Variants in TRAK1 observed in about 807,000 individuals in gnomAD.
TRAK1 encodes the protein trafficking kinesin-binding protein 1.
Under a neutral mutation model 92.1 loss-of-function variants are expected in TRAK1, and 33 were observed. The observed-to-expected ratio is 0.36, with a 90% CI of 0.27 to 0.48. TRAK1 has a LOEUF of 0.48. TRAK1 is among the 20% of genes least tolerant of loss of function. The pLI, the probability that TRAK1 is intolerant of heterozygous loss-of-function variation, is 0.99. For synonymous variants in TRAK1, 521 were observed against 517.3 expected (o/e 1.01, Z -0.10); for missense variants, 1,123 against 1,257.9 (o/e 0.89, Z 1.62).
At chr3:42,096,509 C>T (rs1225697947) in intron 1 of TRAK1, among the ~76,000 whole-genome samples, 1 of 152,234 alleles carries the variant, frequency 6.6e-6, no homozygotes, top group Non-Finnish European at 1.5e-5. Flanking sequence ...CCGCCTCGAC[C>T]TCCCAAAGTG....
chr3:42,199,590 G>T (rs1707234729), intron 11 of TRAK1, among the ~76,000 whole-genome samples: 1 of 152,156 alleles, frequency 6.6e-6, no homozygotes, highest in Admixed American at 6.5e-5. Flanking sequence ...TGAGTAGCTA[G>T]GACTACAGGC....
upstream of TRAK1, among the ~76,000 whole-genome samples, chr3:42,087,909 T>C (rs1434772406): frequency 6.6e-6 from 1 of 152,216 alleles, no homozygotes; most frequent in African/African-American, 2.4e-5. Context: ...TAACTCTCAG[T>C]GTCCCAGGTG....
At chr3:42,092,711 GTGTTA>G (rs71078412) in intron 1 of TRAK1, among the ~76,000 whole-genome samples, 6,106 of 99,634 alleles carry the variant, frequency 0.061, 231 homozygotes, top group East Asian at 0.19. Flanking sequence ...GTGTTGTGTT[GTGTTA>G]TGTTATGTTA....
At chr3:42,148,510 A>G (rs1404424374) in intron 2 of TRAK1, among the ~76,000 whole-genome samples, 2 of 152,234 alleles carry the variant, frequency 1.3e-5, no homozygotes, top group African/African-American at 4.8e-5. Flanking sequence ...GGGTGCATTT[A>G]TAAGGAAAGT....
At chr3:42,028,036 A>G (rs949026072) in intron 1 of TRAK1, among the ~76,000 whole-genome samples, 9 of 152,108 alleles carry the variant, frequency 5.9e-5, no homozygotes, top group African/African-American at 1.9e-4. Flanking sequence ...TTTTTAGTAG[A>G]GACGGGGTTT....
intron 2 of TRAK1, among the ~76,000 whole-genome samples, chr3:42,136,615 A>G (rs1199883389): frequency 6.8e-6 from 1 of 147,512 alleles, no homozygotes; most frequent in Non-Finnish European, 1.5e-5. Context: ...TGAGTGAGAC[A>G]CTGTTTCAAT....
intron 1 of TRAK1, among the ~76,000 whole-genome samples, chr3:42,122,794 G>A (rs1710058526): frequency 6.6e-6 from 1 of 152,170 alleles, no homozygotes. Flanking sequence ...GCCTGGGGGA[G>A]GACATAGCTT....
chr3:42,159,436 G>A (rs756768088), intron 2 of TRAK1, among the ~76,000 whole-genome samples: 8 of 152,186 alleles, frequency 5.3e-5, no homozygotes, highest in Non-Finnish European at 1.0e-4. Context: ...AGAACCTGCC[G>A]TTCTCACTGT....
At chr3:42,199,672 G>C (rs1190157253) in intron 11 of TRAK1, among the ~76,000 whole-genome samples, 1 of 152,194 alleles carries the variant, frequency 6.6e-6, no homozygotes, top group Non-Finnish European at 1.5e-5. Flanking sequence ...TGCTCAGGCT[G>C]ATCTCAAACT....
chr3:42,092,528 G>A (rs1292403176), intron 1 of TRAK1, among the ~76,000 whole-genome samples: 1 of 152,142 alleles, frequency 6.6e-6, no homozygotes, highest in East Asian at 1.9e-4. Flanking sequence ...GAGAGGACTG[G>A]TCCTGCCCTC....
chr3:42,165,640 G>T (rs1241541989), intron 2 of TRAK1, among the ~76,000 whole-genome samples: 1 of 152,196 alleles, frequency 6.6e-6, no homozygotes, highest in Non-Finnish European at 1.5e-5. Flanking sequence ...TGAGTCCTGG[G>T]CCTTTGTTAA....
intron 13 of TRAK1, among the ~76,000 whole-genome samples, chr3:42,209,113 A>G (rs559638191): frequency 1.6e-4 from 24 of 152,266 alleles, no homozygotes; most frequent in South Asian, 1.2e-3. Context: ...TGGACTTACT[A>G]TGTTCTTAAA....
chr3:42,161,298 C>T (rs1175542038), intron 2 of TRAK1, among the ~76,000 whole-genome samples: 1 of 152,182 alleles, frequency 6.6e-6, no homozygotes, highest in Non-Finnish European at 1.5e-5. Flanking sequence ...TTCTTTAGGT[C>T]CCTTGAGTAA....
In TRAK1 at chr3:42,125,630, T is replaced by C. The variant is rs199836147; in HGVS notation, c.286+16T>C. 4.4e-4 allele frequency: 708 copies of C among 1,613,296 alleles called. 1 individual carries two copies. The highest frequency in any genetic ancestry group is 1.9e-4 in the Non-Finnish European group (220 of 1,179,448). On this transcript the variant is annotated intron_variant, in intron 2 of 15. Coordinates refer to ENST00000327628, the MANE Select transcript of TRAK1 (RefSeq NM_001042646.3). ...AAATACTTCCGTAAGTAGTTGTCCATGTGTGTTGTGATGGCAGTATCATGA... is the reference window on the plus strand; with the variant it reads ...AAATACTTCCGTAAGTAGTTGTCCACGTGTGTTGTGATGGCAGTATCATGA...
chr3:42,178,517 C>G (rs2149369585), intron 3 of TRAK1, among the ~76,000 whole-genome samples: 1 of 152,294 alleles, frequency 6.6e-6, no homozygotes, highest in Admixed American at 6.5e-5. Flanking sequence ...GGCCCCAACT[C>G]CATCCCCAGG....
rs1702038749 is a variant in TRAK1 at position 42,029,491 on chromosome 3, C to A, written c.-519+15374C>A. Among the ~76,000 whole-genome samples, 3 of 151,654 alleles carry A rather than the reference C, an allele frequency of 2.0e-5. No homozygotes were observed. The South Asian group carries it at 6.3e-4, about 32-fold the overall frequency. ...TCCTGAGCTCAAGGCATCCTCCCTCCTTGTCTTCCCTAAGTGCTGGGATTA... is the reference window on the plus strand; with the variant it reads ...TCCTGAGCTCAAGGCATCCTCCCTCATTGTCTTCCCTAAGTGCTGGGATTA... On this transcript the variant is annotated intron_variant, in intron 1 of 16. Transcript: ENST00000487159.
chr3:42,159,686 G>A (rs1676595454), intron 2 of TRAK1, among the ~76,000 whole-genome samples: 1 of 152,162 alleles, frequency 6.6e-6, no homozygotes, highest in South Asian at 2.1e-4. Flanking sequence ...AGAAGGACTG[G>A]GATGAATTAA....
intron 1 of TRAK1, among the ~76,000 whole-genome samples, chr3:42,125,095 C>T (rs932728753): frequency 3.9e-5 from 6 of 152,226 alleles, no homozygotes; most frequent in East Asian, 1.9e-4. Flanking sequence ...ACATGTAGAA[C>T]GCTTGAAGGA....
upstream of TRAK1, among the ~76,000 whole-genome samples, chr3:42,013,317 G>A (rs116507070): frequency 0.016 from 2,385 of 152,292 alleles, 31 homozygotes; most frequent in South Asian, 0.052. This position sits in a 1 kb window ranked among gnomAD's most constrained non-coding sequence, Gnocchi z 5.1. Context: ...GGCCGCGGGG[G>A]TCCCATCCTT....
Sources: allele counts gnomAD v4.1 joint callset (sites outside exome capture counted in the v4.1 genomes callset), GRCh38; gene constraint gnomAD v4.1.1; non-coding constraint Gnocchi (gnomAD v3.1); transcripts MANE v1.5; gene names NCBI Gene and HGNC (gene_info 2026-07-23, HGNC 2026-07-21).